The following PPIG variants were observed in gnomAD, a reference collection of about 807,000 sequenced individuals.
The protein encoded by PPIG is peptidylprolyl isomerase G, also known as peptidyl-prolyl cis-trans isomerase G.
A neutral mutation model predicts 87.9 loss-of-function variants in PPIG; 26 were observed. That is an observed-to-expected ratio of 0.30 (90% CI 0.22 to 0.41). The LOEUF (loss-of-function observed/expected upper bound fraction) is 0.41, where lower values mean the gene tolerates loss of function less well. Among genes scored for constraint, PPIG ranks in the 10% least tolerant of loss-of-function variants. PPIG has a pLI of 1.00. For missense variants in PPIG, 722 were observed against 879.4 expected, an observed-to-expected ratio of 0.82 and a Z score of 2.26; for synonymous variants, 308 against 276.5, an observed-to-expected ratio of 1.11 and a Z score of -1.13.
rs751103778 is a variant in PPIG at position 169,637,006 on chromosome 2, A to T, written c.1748A>T (p.Asp583Val). 20 of 1,613,884 alleles carry T rather than the reference A, an allele frequency of 1.2e-5. No individual in the cohort carries two copies. The highest frequency in any genetic ancestry group is 1.7e-5 in the Non-Finnish European group (20 of 1,179,986). ...RRVRSRTHDR[D>V]RSRSKEYHRY... ...GTGCGATCAAGAACCCATGACAGAG[A>T]TCGCAGCAGAAGCAAGGAGTACCAT... is the stretch of plus-strand genomic sequence containing the variant. Residue 583 changes from aspartate (D) to valine (V), a missense_variant, in exon 14 of 14, where the codon GAT (aspartate) becomes GTT (valine). Coordinates refer to ENST00000260970, the MANE Select transcript of PPIG (RefSeq NM_004792.3).
chr2:169,614,412 T>G lies in PPIG; in HGVS notation c.378-52T>G, dbSNP rs971604709. ...TCTTTTTCTTTTTAGAGATGCTAAC[T>G]TTGTTTTTCTCTGACTTTGTTTTTA... On this transcript the variant is annotated intron_variant, in intron 7 of 13. Coordinates refer to ENST00000260970, the MANE Select transcript of PPIG (RefSeq NM_004792.3). 11 of 1,453,642 alleles carry G rather than the reference T, an allele frequency of 7.6e-6. No homozygotes were observed. In the Admixed American group the frequency reaches 2.4e-4, roughly 32 times the overall value. 90.0% of individuals were successfully genotyped at this position (1,453,642 alleles called of 1,614,324 possible).
intron 9 of PPIG, among the ~76,000 whole-genome samples, chr2:169,622,725 CCT>C (rs1160724969): frequency 1.3e-5 from 2 of 152,282 alleles, no homozygotes; most frequent in Non-Finnish European, 2.9e-5. Flanking sequence ...CACTTGGGCC[CCT>C]GTTATTCCAT....
chr2:169,602,982 A>G (rs1241071364), intron 1 of PPIG, among the ~76,000 whole-genome samples: 13 of 152,182 alleles, frequency 8.5e-5, no homozygotes, highest in Admixed American at 7.9e-4. Context: ...ATAATGAGGT[A>G]TGAGGGAAAG....
At chr2:169,598,674 T>C (rs1398836820) in intron 1 of PPIG, among the ~76,000 whole-genome samples, 23 of 151,994 alleles carry the variant, frequency 1.5e-4, no homozygotes. Flanking sequence ...CAGCAGTAAA[T>C]GAACAGATTT....
chr2:169,639,607 G>A lies in PPIG; in HGVS notation c.*2084G>A, dbSNP rs761863218. The A allele has an allele frequency of 1.3e-5, 2 of 152,026 alleles. No individual in the cohort carries two copies. The highest frequency in any genetic ancestry group is 2.9e-5 in the Non-Finnish European group (2 of 67,924). 9.4% of individuals were successfully genotyped at this position (152,026 alleles called of 1,614,324 possible). ...TATCAAAAGAGCAACTCCATGCTCC[G>A]CATTATTTATAGTCCTTATTTTAAA... On this transcript the variant is annotated 3_prime_UTR_variant, in exon 14 of 14. Transcript: ENST00000260970.
Position 169,637,318 on chromosome 2 carries a change from G to A in PPIG, c.2060G>A (p.Ser687Asn). The A allele has an allele frequency of 6.2e-7, 1 of 1,606,136 alleles. No individual in the cohort carries two copies. The highest frequency in any genetic ancestry group is 2.2e-5 in the East Asian group (1 of 44,856). ...SREKKADRDQSPFSKIKQSSQ... is the reference protein window; with the variant it reads ...SREKKADRDQNPFSKIKQSSQ... ...GAAAAAAAGGCTGATAGAGATCAAAGTCCCTTCTCAAAAATAAAACAAAGC... is the reference window on the plus strand; with the variant it reads ...GAAAAAAAGGCTGATAGAGATCAAAATCCCTTCTCAAAAATAAAACAAAGC... Residue 687 changes from serine to asparagine, a missense_variant, in exon 14 of 14, where the codon AGT becomes AAT. By Grantham distance (46) the Ser-to-Asn change is conservative. Transcript: ENST00000260970.
intron 5 of PPIG, 24 bp from the exon 6 acceptor site, chr2:169,607,079 AT>A: frequency 6.7e-7 from 1 of 1,496,570 alleles, no homozygotes; most frequent in Non-Finnish European, 9.3e-7. Context: ...ACTGAGAGTT[AT>A]AAGAGTATGT....
chr2:169,613,187 A>T (rs893536473), intron 7 of PPIG, among the ~76,000 whole-genome samples: 3 of 152,258 alleles, frequency 2.0e-5, no homozygotes, highest in African/African-American at 7.2e-5. Flanking sequence ...AACATGTTAT[A>T]TGAATACACA....
chr2:169,603,074 T>C (rs537330052), intron 1 of PPIG, among the ~76,000 whole-genome samples: 16 of 152,286 alleles, frequency 1.1e-4, no homozygotes, highest in African/African-American at 3.8e-4. Context: ...TTCAAGGGAA[T>C]GGAGGTAGAA....
intron 1 of PPIG, 139 bp downstream of exon 1, chr2:169,584,629 CG>C (rs1195202596): frequency 2.4e-6 from 1 of 421,380 alleles, no homozygotes; most frequent in East Asian, 7.4e-5. Flanking sequence ...CTCGAGGTAT[CG>C]GGGCTGCTTG....
At chr2:169,619,729 T>C (rs1028468450) in intron 9 of PPIG, among the ~76,000 whole-genome samples, 2 of 152,020 alleles carry the variant, frequency 1.3e-5, no homozygotes, top group Non-Finnish European at 2.9e-5. Context: ...TGTCCTTTTC[T>C]TCACATCCTC....
chr2:169,614,442 T>TC, intron 7 of PPIG, 22 bp from the exon 8 acceptor site: 1 of 1,533,564 alleles, frequency 6.5e-7, no homozygotes. Context: ...TTTTTATTCT[T>TC]CTATCTGATG....
chr2:169,594,956 T>A (rs1684979405), intron 1 of PPIG, among the ~76,000 whole-genome samples: 2 of 149,030 alleles, frequency 1.3e-5, no homozygotes, highest in African/African-American at 5.0e-5. Context: ...TGAGATGGAG[T>A]CTCACTCTGT....
rs1357168797 is a variant in PPIG at position 169,640,295 on chromosome 2, T to C, written c.*2772T>C. On this transcript the variant is annotated 3_prime_UTR_variant, in exon 14 of 14. Transcript: ENST00000260970. ...CGGCTTTGCGGAATGACCTTTGATA[T>C]TTGTGCCTAGTGGAAGGTATGGAGC... 6.6e-6 allele frequency: 1 copy of C among 152,212 alleles called. No homozygotes were observed. The highest frequency in any genetic ancestry group is 1.9e-4 in the East Asian group (1 of 5,200). The allele number at this position is 152,212 out of a possible 1,614,324, so 9.4% of individuals were successfully genotyped here.
Position 169,637,687 on chromosome 2 carries a change from C to A in PPIG, c.*164C>A. ...TTCATTGAGTTGATTTTTTGATAAT[C>A]TGCAATCTGGATAATTTGTACTGCT... On this transcript the variant is annotated 3_prime_UTR_variant, in exon 14 of 14. Transcript: ENST00000260970. 1 of 699,660 alleles carries A rather than the reference C, an allele frequency of 1.4e-6. No homozygotes were observed. The allele number at this position is 699,660 out of a possible 1,614,324, so 43.3% of individuals were successfully genotyped here.
intron 1 of PPIG, among the ~76,000 whole-genome samples, chr2:169,586,877 C>G (rs1019984379): frequency 1.3e-5 from 2 of 152,090 alleles, no homozygotes; most frequent in African/African-American, 4.8e-5. Flanking sequence ...TGCAAGTGAC[C>G]TGAAGAGTTT....
At chr2:169,623,419 C>T (rs1489403539) in intron 9 of PPIG, among the ~76,000 whole-genome samples, 1 of 152,172 alleles carries the variant, frequency 6.6e-6, no homozygotes, top group Admixed American at 6.5e-5. Flanking sequence ...ATAACTCCCA[C>T]AAGCTTAGCG....
rs531083574 is a variant in PPIG at position 169,632,163 on chromosome 2, T to A, written c.929+230T>A. On this transcript the variant is annotated intron_variant, in intron 11 of 13. Coordinates refer to ENST00000260970, the MANE Select transcript of PPIG (RefSeq NM_004792.3). ...TAAAGTTACACATAATAAACACTAA[T>A]ACAAAAAAGAGATGTTAAGCAGCAT... 4.1e-4 allele frequency among the ~76,000 whole-genome samples: 63 copies of A among 152,186 alleles called. 1 individual carries two copies. Among genetic ancestry groups the A allele is most frequent in the Middle Eastern group, 6.8e-3 (2 of 294 alleles).
chr2:169,596,854 A>G (rs1420601113), intron 1 of PPIG, among the ~76,000 whole-genome samples: 1 of 152,088 alleles, frequency 6.6e-6, no homozygotes, highest in East Asian at 1.9e-4. Context: ...GGCATGCGCC[A>G]TTACGCTCAG....
Sources: allele counts gnomAD v4.1 joint callset (sites outside exome capture counted in the v4.1 genomes callset), GRCh38; gene constraint gnomAD v4.1.1; transcripts MANE v1.5; gene names NCBI Gene and HGNC (gene_info 2026-07-23, HGNC 2026-07-21).